PDHX: variants seen among roughly 807,000 people sequenced by gnomAD.
PDHX encodes pyruvate dehydrogenase protein X component, mitochondrial.
In PDHX, 33 loss-of-function variants were observed where a neutral mutation model predicts 55.3. The observed-to-expected ratio is 0.60, with a 90% CI of 0.45 to 0.80. The LOEUF is 0.80. Among genes scored for constraint, PDHX ranks in the 30% least tolerant of loss-of-function variants. The pLI is 0.00. For missense variants in PDHX, 622 were observed against 619.9 expected (o/e 1.00, Z -0.04); for synonymous variants, 226 against 219.4 (o/e 1.03, Z -0.27).
chr11:34,927,672 T>C (rs1854056302), intron 1 of PDHX, among the ~76,000 whole-genome samples: 1 of 152,084 alleles, frequency 6.6e-6, no homozygotes, highest in Non-Finnish European at 1.5e-5. Context: ...ATGAAATATG[T>C]ACTTTTATTA....
intron 3 of PDHX, among the ~76,000 whole-genome samples, chr11:34,956,023 AT>A (rs1165119897): frequency 6.6e-6 from 1 of 152,104 alleles, no homozygotes; most frequent in Non-Finnish European, 1.5e-5. Flanking sequence ...GAAGAAAAAT[AT>A]TGGTCTAATA....
chr11:34,989,455 G>A (rs1347135639), intron 9 of PDHX, among the ~76,000 whole-genome samples: 2 of 152,172 alleles, frequency 1.3e-5, no homozygotes, highest in African/African-American at 4.8e-5. Flanking sequence ...AAGATTCCCC[G>A]AGGAATGTGA....
intron 7 of PDHX, among the ~76,000 whole-genome samples, chr11:34,971,207 C>A (rs1403602122): frequency 6.6e-6 from 1 of 152,184 alleles, no homozygotes; most frequent in East Asian, 1.9e-4. Context: ...TTCCAAAAAT[C>A]AATTATAAAT....
chr11:34,962,313 C>T (rs1466282855), intron 5 of PDHX, among the ~76,000 whole-genome samples: 1 of 152,180 alleles, frequency 6.6e-6, no homozygotes, highest in Non-Finnish European at 1.5e-5. Flanking sequence ...ATCCCTGATA[C>T]AGACAACATT....
intron 6 of PDHX, among the ~76,000 whole-genome samples, chr11:34,967,642 G>A (rs1020557204): frequency 6.6e-6 from 1 of 151,780 alleles, no homozygotes; most frequent in African/African-American, 2.4e-5. Flanking sequence ...TCCTATTCAG[G>A]TTATTTTCTT....
At chr11:34,961,956 T>G (rs942116537) in intron 5 of PDHX, among the ~76,000 whole-genome samples, 10 of 152,244 alleles carry the variant, frequency 6.6e-5, no homozygotes, top group Non-Finnish European at 1.5e-4. Flanking sequence ...TCCTGATTTG[T>G]GTCTACTGTT....
chr11:34,968,964 A>G (rs936398683), intron 6 of PDHX, among the ~76,000 whole-genome samples: 1 of 152,178 alleles, frequency 6.6e-6, no homozygotes, highest in East Asian at 1.9e-4. Context: ...TGACTTCACG[A>G]TGGTGTAAAA....
At chr11:34,978,073 G>C in intron 7 of PDHX, 51 bp from the exon 8 acceptor site, 2 of 961,856 alleles carry the variant, frequency 2.1e-6, no homozygotes, top group Non-Finnish European at 1.7e-6. Flanking sequence ...AATGGTCAAT[G>C]TTAAAGTTAT....
intron 3 of PDHX, among the ~76,000 whole-genome samples, chr11:34,949,478 C>T (rs1045679493): frequency 6.6e-6 from 1 of 152,186 alleles, no homozygotes; most frequent in Non-Finnish European, 1.5e-5. Flanking sequence ...CTCAAGTAAT[C>T]TGCCCACCTT....
At chr11:34,916,151 G>A (rs16926448), upstream of PDHX, 194,513 of 1,545,654 alleles carry the variant, frequency 0.13, 15,383 homozygotes, top group African/African-American at 0.39. Context: ...CCGCTACCCT[G>A]CGCCCAGCTC....
intron 5 of PDHX, among the ~76,000 whole-genome samples, chr11:34,965,427 A>G (rs1267813441): frequency 6.6e-6 from 1 of 152,148 alleles, no homozygotes; most frequent in Non-Finnish European, 1.5e-5. Flanking sequence ...TCTTCCAGGA[A>G]GGCCTAATTT....
At chr11:34,935,321 C>G (rs1854283172) in intron 2 of PDHX, among the ~76,000 whole-genome samples, 1 of 152,104 alleles carries the variant, frequency 6.6e-6, no homozygotes, top group Admixed American at 6.5e-5. Context: ...TATTATGTCA[C>G]TGTTTCTGGC....
At chr11:34,924,463 C>G (rs1853969908) in intron 1 of PDHX, among the ~76,000 whole-genome samples, 1 of 152,154 alleles carries the variant, frequency 6.6e-6, no homozygotes, top group African/African-American at 2.4e-5. Flanking sequence ...TAATGTGATC[C>G]ACCCGCCTCA....
intron 8 of PDHX, among the ~76,000 whole-genome samples, chr11:34,979,851 T>C (rs1855469397): frequency 6.6e-6 from 1 of 152,080 alleles, no homozygotes; most frequent in Admixed American, 6.6e-5. Flanking sequence ...CTTTTTTCCC[T>C]AATCATTGGC....
intron 3 of PDHX, among the ~76,000 whole-genome samples, chr11:34,951,260 C>T (rs952839309): frequency 1.2e-4 from 18 of 151,764 alleles, no homozygotes; most frequent in South Asian, 2.1e-4. Flanking sequence ...GGGGTTTCAC[C>T]GTGTTAGCCA....
chr11:34,934,828 C>T (rs12286442), intron 2 of PDHX, among the ~76,000 whole-genome samples: 28,702 of 151,708 alleles, frequency 0.19, 3,874 homozygotes, highest in African/African-American at 0.39. Flanking sequence ...ATTCTCCTGC[C>T]TCGACCTCCC....
chr11:34,940,067 G>A (rs986163539), intron 2 of PDHX, among the ~76,000 whole-genome samples: 7 of 152,044 alleles, frequency 4.6e-5, no homozygotes, highest in African/African-American at 1.7e-4. Context: ...AAAAATTCTT[G>A]TTCTCCTTTT....
intron 1 of PDHX, among the ~76,000 whole-genome samples, chr11:34,923,076 A>G (rs959886656): frequency 1.3e-5 from 2 of 152,164 alleles, no homozygotes; most frequent in African/African-American, 2.4e-5. Context: ...TTCAAAGGAA[A>G]TGCATTCTAC....
In PDHX at chr11:34,960,405, A is replaced by G; in HGVS notation, c.543-15A>G. On this transcript the variant is annotated splice_polypyrimidine_tract_variant and intron_variant, in intron 4 of 10. Transcript: ENST00000227868. ...GTGTTAATTGGTTCTATTAACCTTC[A>G]TATTTTTTTCTTAGGTTCCGTTTAA... 3.8e-6 allele frequency: 6 copies of G among 1,562,380 alleles called. No homozygotes were observed. The highest frequency in any genetic ancestry group is 5.3e-6 in the Non-Finnish European group (6 of 1,133,356).
Sources: allele counts gnomAD v4.1 joint callset (sites outside exome capture counted in the v4.1 genomes callset), GRCh38; gene constraint gnomAD v4.1.1; transcripts MANE v1.5; gene names NCBI Gene and HGNC (gene_info 2026-07-23, HGNC 2026-07-21).